Variants in ANO5 observed in about 807,000 individuals in gnomAD.
ANO5 encodes anoctamin 5, also known as anoctamin-5.
Under a neutral mutation model 121.0 loss-of-function variants are expected in ANO5, and 109 were observed. The ratio of observed to expected loss-of-function variants is 0.90; its 90% CI spans 0.77 to 1.06. The LOEUF (loss-of-function observed/expected upper bound fraction) is 1.06. Ranked by LOEUF, ANO5 falls within the 50% of genes least tolerant of loss-of-function variation. The probability of loss-of-function intolerance (pLI) is 0.00; values close to 1 mark genes in which losing one functional copy is unlikely to be tolerated. For synonymous variants in ANO5, 406 were observed against 359.9 expected, an observed-to-expected ratio of 1.13 and a Z score of -1.45; for missense variants, 1,064 against 1,078.5, an observed-to-expected ratio of 0.99 and a Z score of 0.19.
chr11:22,251,059 T>C, intron 12 of ANO5, 48 bp downstream of exon 12: 2 of 1,525,568 alleles, frequency 1.3e-6, no homozygotes, highest in Non-Finnish European at 9.0e-7. Flanking sequence ...TATTAATGTG[T>C]TGTTTTGCCT....
At chr11:22,205,916 C>T (rs188615226) in intron 2 of ANO5, among the ~76,000 whole-genome samples, 23 of 152,204 alleles carry the variant, frequency 1.5e-4, no homozygotes, top group East Asian at 5.8e-4. Context: ...ATCCACTCAA[C>T]GTTAAAACAA....
At chr11:22,256,257 A>C (rs1853996417) in intron 13 of ANO5, among the ~76,000 whole-genome samples, 1 of 152,298 alleles carries the variant, frequency 6.6e-6, no homozygotes, top group East Asian at 1.9e-4. Context: ...GTAATCTACA[A>C]TCACTGTGTT....
At chr11:22,266,444 A>G (rs2133762166) in intron 17 of ANO5, among the ~76,000 whole-genome samples, 2 of 152,168 alleles carry the variant, frequency 1.3e-5, no homozygotes, top group African/African-American at 4.8e-5. Flanking sequence ...AGTACTTCAT[A>G]TTGTCTTATT....
At chr11:22,255,104 G>T (rs1853949918) in intron 12 of ANO5, among the ~76,000 whole-genome samples, 2 of 151,964 alleles carry the variant, frequency 1.3e-5, no homozygotes, top group Admixed American at 1.3e-4. Flanking sequence ...TCTGAATGAA[G>T]AAATATATTA....
chr11:22,275,022 C>T (rs1175362555), intron 20 of ANO5, among the ~76,000 whole-genome samples: 2 of 151,856 alleles, frequency 1.3e-5, no homozygotes, highest in African/African-American at 4.8e-5. Context: ...TTCTTACTTT[C>T]TAATGTATCA....
intron 3 of ANO5, among the ~76,000 whole-genome samples, 165 bp downstream of exon 3, chr11:22,211,479 G>A (rs1852275136): frequency 6.6e-6 from 1 of 151,868 alleles, no homozygotes; most frequent in Admixed American, 6.6e-5. Flanking sequence ...TTCTTTAGGT[G>A]GGGGGAAAAC....
chr11:22,203,030 A>G (rs1448704701), intron 1 of ANO5, among the ~76,000 whole-genome samples: 2 of 152,224 alleles, frequency 1.3e-5, no homozygotes, highest in East Asian at 1.9e-4. Context: ...TCAAGTTTCC[A>G]TATAATAAAG....
At chr11:22,202,577 T>C (rs1332191979) in intron 1 of ANO5, among the ~76,000 whole-genome samples, 1 of 152,244 alleles carries the variant, frequency 6.6e-6, no homozygotes, top group Non-Finnish European at 1.5e-5. Flanking sequence ...CTGAACTCAG[T>C]GTCTGGTAAG....
At chr11:22,207,663 A>G (rs1205285104) in intron 2 of ANO5, among the ~76,000 whole-genome samples, 2 of 152,122 alleles carry the variant, frequency 1.3e-5, no homozygotes, top group Non-Finnish European at 2.9e-5. Context: ...TTATTAATGA[A>G]AAGCATTGAT....
In ANO5 at chr11:22,222,628, T is replaced by C. The variant is rs116758331; in HGVS notation, c.294+1418T>C. Reference sequence around the variant, plus strand: ...CACTCTTTATTCAGCTTATGTCTCGTGGTCAACAATTTTAATTACTCTGTT... The same window carrying C: ...CACTCTTTATTCAGCTTATGTCTCGCGGTCAACAATTTTAATTACTCTGTT... On this transcript the variant is annotated intron_variant, in intron 5 of 21. Transcript: ENST00000324559. Among the ~76,000 whole-genome samples the C allele has an allele frequency of 8.2e-3, 1,241 of 152,048 alleles. 20 individuals carry two copies. The highest frequency in any genetic ancestry group is 0.028 in the African/African-American group (1,172 of 41,528).
intron 3 of ANO5, among the ~76,000 whole-genome samples, chr11:22,212,855 T>TTA (rs1346061012): frequency 6.6e-6 from 1 of 151,204 alleles, no homozygotes; most frequent in Non-Finnish European, 1.5e-5. Flanking sequence ...TTGGAGCTCT[T>TTA]TATATATATT....
At chr11:22,197,731 G>T (rs1161702023) in intron 1 of ANO5, among the ~76,000 whole-genome samples, 1 of 152,166 alleles carries the variant, frequency 6.6e-6, no homozygotes, top group African/African-American at 2.4e-5. Context: ...TGCTTTCAGT[G>T]AAAACTCAAG....
chr11:22,282,262 A>C lies in ANO5; in HGVS notation c.*2497A>C, dbSNP rs1855110062. 6.6e-6 allele frequency: 1 copy of C among 152,284 alleles called. No homozygotes were observed. The highest frequency in any genetic ancestry group is 6.5e-5 in the Admixed American group (1 of 15,292). The allele number at this position is 152,284 out of a possible 1,614,324, so 9.4% of individuals were successfully genotyped here. A position where few individuals can be genotyped will look rare whatever the true frequency, so the allele number is the denominator to read the frequency against. ...TTTTAAGTGCCAAAGCCAAAAAAAT[A>C]CTTAACTCTTTTCAAAGGCCCTCTT... On this transcript the variant is annotated 3_prime_UTR_variant, in exon 22 of 22. Transcript: ENST00000324559.
chr11:22,259,083 A>G (rs1014824263), intron 14 of ANO5, among the ~76,000 whole-genome samples: 93 of 151,528 alleles, frequency 6.1e-4, no homozygotes, highest in Non-Finnish European at 1.3e-3. Flanking sequence ...CAGTGAGCCA[A>G]GATCACGCCA....
chr11:22,193,056 G>A (rs1419356535), upstream of ANO5: 2 of 1,029,038 alleles, frequency 1.9e-6, no homozygotes, highest in Non-Finnish European at 2.3e-6. Flanking sequence ...GCAGCGAAGG[G>A]GAAAGGAAAG....
At chr11:22,264,786 T>G (rs907105591) in intron 17 of ANO5, among the ~76,000 whole-genome samples, 13 of 152,108 alleles carry the variant, frequency 8.5e-5, no homozygotes, top group African/African-American at 3.1e-4. Flanking sequence ...CAATTACACA[T>G]AAGTGAAAAA....
At position 22,193,472 on chromosome 11, in the gene ANO5, G is replaced by A. The variant is rs990758663; in HGVS notation, c.-21G>A. On this transcript the variant is annotated 5_prime_UTR_variant, in exon 1 of 22. Coordinates refer to ENST00000324559, the MANE Select transcript of ANO5 (RefSeq NM_213599.3). ...CTCCTGCTGCCTCTCAGGCACCAGT[G>A]CCATTAACGAGCTGGCGAAGATGGG... 1.9e-6 allele frequency: 3 copies of A among 1,609,994 alleles called. No individual in the cohort carries two copies. The highest frequency in any genetic ancestry group is 2.5e-6 in the Non-Finnish European group (3 of 1,178,616).
intron 3 of ANO5, among the ~76,000 whole-genome samples, chr11:22,212,936 A>G (rs984280997): frequency 4.6e-4 from 70 of 151,414 alleles, no homozygotes; most frequent in Admixed American, 4.6e-3. Flanking sequence ...ATATAATTTA[A>G]TTTTTAAATT....
At chr11:22,273,252 G>A (rs934208718) in intron 19 of ANO5, among the ~76,000 whole-genome samples, 2 of 151,930 alleles carry the variant, frequency 1.3e-5, no homozygotes, top group Non-Finnish European at 2.9e-5. Flanking sequence ...CAGAAAATAA[G>A]TAACAGTATA....
Sources: gnomAD v4.1 joint callset for allele counts (sites outside exome capture counted in the v4.1 genomes callset) on GRCh38, gnomAD v4.1.1 for gene constraint, MANE v1.5 for transcripts, NCBI Gene and HGNC (gene_info 2026-07-23, HGNC 2026-07-21) for gene names.